Variants in NCOA1 observed in about 807,000 individuals in gnomAD.
The protein encoded by NCOA1 is nuclear receptor coactivator 1.
Under a neutral mutation model 150.9 loss-of-function variants are expected in NCOA1, and 35 were observed. The ratio of observed to expected loss-of-function variants is 0.23; its 90% CI spans 0.18 to 0.31. The LOEUF (loss-of-function observed/expected upper bound fraction) is 0.31, where lower values mean the gene tolerates loss of function less well. NCOA1 is among the 10% of genes least tolerant of loss of function. The pLI, the probability that NCOA1 is intolerant of heterozygous loss-of-function variation, is 1.00. For missense variants in NCOA1, 1,491 were observed against 1,749.3 expected (o/e 0.85, Z 2.63); for synonymous variants, 590 against 630.0 (o/e 0.94, Z 0.95).
intron 3 of NCOA1, among the ~76,000 whole-genome samples, chr2:24,596,336 G>C (rs1274977988): frequency 6.6e-6 from 1 of 152,032 alleles, no homozygotes; most frequent in Non-Finnish European, 1.5e-5. Context: ...TTAATATTGG[G>C]AAATGTTTTT....
chr2:24,558,201 G>A (rs2148244914), intron 1 of NCOA1, among the ~76,000 whole-genome samples: 1 of 152,030 alleles, frequency 6.6e-6, no homozygotes, highest in East Asian at 1.9e-4. Flanking sequence ...TGACCTGTAT[G>A]CAAGTTCACT....
At chr2:24,605,911 T>C (rs1668341304) in intron 3 of NCOA1, among the ~76,000 whole-genome samples, 1 of 152,204 alleles carries the variant, frequency 6.6e-6, no homozygotes, top group Admixed American at 6.5e-5. Flanking sequence ...CCTGTACCTT[T>C]TCCTACCTGT....
chr2:24,746,261 A>G (rs1663911940), intron 19 of NCOA1, among the ~76,000 whole-genome samples: 1 of 152,098 alleles, frequency 6.6e-6, no homozygotes, highest in Non-Finnish European at 1.5e-5. Flanking sequence ...AGTCTAGCCC[A>G]GCTGGGCACG....
chr2:24,763,567 A>G (rs571078135), intron 22 of NCOA1, among the ~76,000 whole-genome samples: 12 of 147,868 alleles, frequency 8.1e-5, no homozygotes, highest in Admixed American at 4.7e-4. Context: ...ATTTTGGAGG[A>G]AGGGCTTAAT....
chr2:24,670,977 A>G (rs1240130198), intron 6 of NCOA1, among the ~76,000 whole-genome samples: 1 of 152,220 alleles, frequency 6.6e-6, no homozygotes, highest in Admixed American at 6.5e-5. Flanking sequence ...TTTGGAGAGC[A>G]GTTTGTCAAT....
Position 24,706,574 on chromosome 2 carries a change from C to A in NCOA1, c.1104C>A (p.His368Gln), listed in dbSNP as rs1355418129. ...IMGIHIIDRE[H>Q]SGLSPQDDTN... ...AATGTCTTTTTCCCCCTAGGGAGCA[C>A]AGTGGGCTTTCTCCTCAAGATGACA... Residue 368 changes from histidine to glutamine, a missense_variant, in exon 13 of 23, where the codon CAC becomes CAA. His to Gln is a conservative substitution (Grantham distance 24, BLOSUM62 0). This residue lies in a region of NCOA1 where 703 missense variants were observed against 717.7 expected (regional missense o/e 0.98). Coordinates refer to ENST00000348332, the MANE Select transcript of NCOA1 (RefSeq NM_003743.5). The A allele has an allele frequency of 6.2e-7, 1 of 1,608,288 alleles. No individual in the cohort carries two copies. The highest frequency in any genetic ancestry group is 8.5e-7 in the Non-Finnish European group (1 of 1,175,768).
chr2:24,613,750 T>C (rs1413187866), intron 3 of NCOA1, among the ~76,000 whole-genome samples: 8 of 151,958 alleles, frequency 5.3e-5, no homozygotes, highest in Admixed American at 5.2e-4. Context: ...GGGCAGAGAG[T>C]GCCCTGCTTT....
chr2:24,623,404 G>A (rs1669264576), intron 3 of NCOA1, among the ~76,000 whole-genome samples: 1 of 152,050 alleles, frequency 6.6e-6, no homozygotes, highest in Admixed American at 6.6e-5. Flanking sequence ...TTTTTATCAG[G>A]GAATTTATCT....
chr2:24,620,304 T>A (rs764114707), intron 3 of NCOA1, among the ~76,000 whole-genome samples: 1 of 152,174 alleles, frequency 6.6e-6, no homozygotes, highest in African/African-American at 2.4e-5. Flanking sequence ...TTCAGATTGT[T>A]ATTAACTATT....
intron 8 of NCOA1, among the ~76,000 whole-genome samples, chr2:24,688,543 T>C (rs556518764): frequency 6.6e-6 from 1 of 152,308 alleles, no homozygotes; most frequent in East Asian, 1.9e-4. Context: ...TGGCCATATG[T>C]GTGTCTTCTT....
intron 1 of NCOA1, among the ~76,000 whole-genome samples, chr2:24,553,407 C>T (rs746643676): frequency 5.9e-5 from 9 of 152,082 alleles, no homozygotes; most frequent in South Asian, 2.1e-4. Flanking sequence ...TTAGTAGAGA[C>T]GGGGTTTCAC....
chr2:24,507,435 G>GT (rs10651704), intron 1 of NCOA1, among the ~76,000 whole-genome samples: 5,351 of 126,452 alleles, frequency 0.042, 163 homozygotes, highest in East Asian at 0.11. Context: ...GAGCTGCTGG[G>GT]TTTTTTTTTT....
rs777634973 is a variant in NCOA1 at position 24,707,421 on chromosome 2, G to C, written c.1951G>C (p.Asp651His). The C allele has an allele frequency of 6.2e-7, 1 of 1,614,060 alleles. No individual in the cohort carries two copies. Among genetic ancestry groups the C allele is most frequent in the African/African-American group, 1.3e-5 (1 of 74,918 alleles). Residue 651 changes from aspartate (D) to histidine (H), a missense_variant, in exon 13 of 23, where the codon GAC becomes CAC. By Grantham distance (81) the Asp-to-His change is moderately conservative. Around this residue, in one of 8 missense-constraint regions of NCOA1, gnomAD observed 703 missense variants for 717.7 expected, o/e 0.98. Coordinates refer to ENST00000348332, the MANE Select transcript of NCOA1 (RefSeq NM_003743.5). ...AEQQLRHADI[D>H]TSCKDVLSCT... ...ACAGCAGTTACGGCATGCTGATATA[G>C]ACACAAGCTGCAAAGATGTCCTGTC...
chr2:24,510,508 A>G (rs1182683258), intron 1 of NCOA1, among the ~76,000 whole-genome samples: 1 of 151,870 alleles, frequency 6.6e-6, no homozygotes, highest in Non-Finnish European at 1.5e-5. Context: ...TGGCCTAGCT[A>G]ATTTTTAAAT....
chr2:24,727,628 A>C (rs568738303), intron 15 of NCOA1, among the ~76,000 whole-genome samples: 1 of 152,170 alleles, frequency 6.6e-6, no homozygotes, highest in African/African-American at 2.4e-5. Flanking sequence ...CAAAGGAAGA[A>C]TGCTTATAAT....
At chr2:24,570,652 TTC>T (rs1666706764) in intron 2 of NCOA1, among the ~76,000 whole-genome samples, 1 of 152,202 alleles carries the variant, frequency 6.6e-6, no homozygotes, top group South Asian at 2.1e-4. Flanking sequence ...GACATTAGCT[TTC>T]TCTTAATGAA....
intron 16 of NCOA1, among the ~76,000 whole-genome samples, chr2:24,728,988 A>C (rs1185915678): frequency 3.3e-5 from 5 of 152,210 alleles, no homozygotes; most frequent in Non-Finnish European, 7.3e-5. Flanking sequence ...CACACACACA[A>C]GCACACGCGC....
intron 19 of NCOA1, among the ~76,000 whole-genome samples, 191 bp downstream of exon 19, chr2:24,742,377 C>T (rs1663649695): frequency 6.6e-6 from 1 of 152,114 alleles, no homozygotes; most frequent in Non-Finnish European, 1.5e-5. Flanking sequence ...GGCTTATCTC[C>T]CTTTTTTAGC....
At chr2:24,600,218 T>G (rs1668057386) in intron 3 of NCOA1, among the ~76,000 whole-genome samples, 2 of 152,214 alleles carry the variant, frequency 1.3e-5, no homozygotes, top group Non-Finnish European at 2.9e-5. Flanking sequence ...TGTTGTTGTT[T>G]TTGAGGCAGG....
Sources: gnomAD v4.1 joint callset for allele counts (sites outside exome capture counted in the v4.1 genomes callset) on GRCh38, gnomAD v4.1.1 for gene constraint, gnomAD v4.1.1 regional missense constraint, MANE v1.5 for transcripts, NCBI Gene and HGNC (gene_info 2026-07-23, HGNC 2026-07-21) for gene names.